The following RAD18 variants were observed in gnomAD, a reference collection of about 807,000 sequenced individuals.
RAD18 encodes the protein E3 ubiquitin-protein ligase RAD18.
A neutral mutation model predicts 60.4 loss-of-function variants in RAD18; 47 were observed. That is an observed-to-expected ratio of 0.78 (90% CI 0.62 to 0.99). RAD18 has a LOEUF of 0.99. RAD18 is among the 50% of genes least tolerant of loss of function. RAD18 has a pLI of 0.00. For missense variants in RAD18, 640 were observed against 593.3 expected, an observed-to-expected ratio of 1.08 and a Z score of -0.82; for synonymous variants, 225 against 195.5, an observed-to-expected ratio of 1.15 and a Z score of -1.26.
At chr3:8,912,499 T>C in intron 8 of RAD18, 127 bp from the exon 9 acceptor site, 1 of 613,208 alleles carries the variant, frequency 1.6e-6, no homozygotes, top group East Asian at 3.1e-5. Flanking sequence ...ATCTGTTTTA[T>C]ATAGACCTAG....
At chr3:8,930,977 A>G (rs1228236327) in intron 7 of RAD18, among the ~76,000 whole-genome samples, 1 of 152,168 alleles carries the variant, frequency 6.6e-6, no homozygotes. Context: ...TGCCCACACC[A>G]CTTTTATTCC....
chr3:8,895,055 G>A (rs1040380040), intron 11 of RAD18, among the ~76,000 whole-genome samples: 2 of 151,808 alleles, frequency 1.3e-5, no homozygotes, highest in East Asian at 1.9e-4. Context: ...GTGTCCGGCC[G>A]AAGCTCTTTC....
intron 7 of RAD18, 100 bp from the exon 8 acceptor site, chr3:8,913,820 T>C (rs1940150307): frequency 3.1e-6 from 2 of 647,694 alleles, no homozygotes; most frequent in East Asian, 6.3e-5. Context: ...AGATGGGTGA[T>C]GGGTATATGT....
At chr3:8,890,519 T>A in intron 11 of RAD18, 68 bp from the exon 12 acceptor site, 2 of 1,265,536 alleles carry the variant, frequency 1.6e-6, no homozygotes, top group Non-Finnish European at 2.3e-6. Context: ...TATATAAAAT[T>A]CTAGAAAAAA....
chr3:8,908,444 G>C (rs967480797), intron 9 of RAD18, among the ~76,000 whole-genome samples: 3 of 152,010 alleles, frequency 2.0e-5, no homozygotes, highest in African/African-American at 7.2e-5. Flanking sequence ...AACATAGAGG[G>C]AAGACGATGT....
intron 12 of RAD18, among the ~76,000 whole-genome samples, chr3:8,882,393 A>C (rs558501179): frequency 6.6e-6 from 1 of 152,178 alleles, no homozygotes. Context: ...GCAGTAAATC[A>C]TCTCCAGCTG....
intron 2 of RAD18, among the ~76,000 whole-genome samples, chr3:8,952,366 G>C (rs1940940416): frequency 6.6e-6 from 1 of 152,112 alleles, no homozygotes; most frequent in African/African-American, 2.4e-5. Flanking sequence ...TATACTATAA[G>C]AAGTCTCCTG....
At chr3:8,950,909 C>A (rs1324973462) in intron 2 of RAD18, among the ~76,000 whole-genome samples, 1 of 152,056 alleles carries the variant, frequency 6.6e-6, no homozygotes, top group Non-Finnish European at 1.5e-5. Context: ...ATAGATTGAA[C>A]ACGGCTGAGG....
Position 8,899,035 on chromosome 3 carries a change from T to G in RAD18, c.1181A>C (p.Asn394Thr), listed in dbSNP as rs997669941. The change falls in exon 11 of 13, where the codon AAT becomes ACT. Residue 394 changes from asparagine to threonine, a missense_variant. By Grantham distance (65) the Asn-to-Thr change is moderately conservative. Transcript: ENST00000264926. ...AAAGTGGTTTGTTACTGAGGTCATA[T>G]TATCTTCCTGTCCTAGGAAAAAATA... Reference protein sequence around the residue: ...LSSVCMGQEDNMTSVTNHFSQ... With the variant: ...LSSVCMGQEDTMTSVTNHFSQ... The G allele has an allele frequency of 4.4e-6, 7 of 1,595,026 alleles. No homozygotes were observed. In the Admixed American group the frequency reaches 7.1e-5, roughly 16 times the overall value.
At chr3:8,903,167 T>G (rs1033500688) in intron 9 of RAD18, among the ~76,000 whole-genome samples, 23 of 152,222 alleles carry the variant, frequency 1.5e-4, no homozygotes, top group African/African-American at 5.5e-4. Context: ...CTTCTTTTTA[T>G]CTTCTCCCTT....
rs140397644 is a variant in RAD18, at chr3:8,956,433, C to T, written c.133+2487G>A. 4.8e-3 allele frequency among the ~76,000 whole-genome samples: 729 copies of T among 152,276 alleles called. 5 individuals are homozygous for T. The highest frequency in any genetic ancestry group is 5.9e-3 in the Non-Finnish European group (401 of 68,034). On this transcript the variant is annotated intron_variant, in intron 2 of 12. Coordinates refer to ENST00000264926, the MANE Select transcript of RAD18 (RefSeq NM_020165.4). ...GGGATGATTCCCATCCTGGGCAGGA[C>T]GGCACAAGATTTCATCAGTGCTTTA...
At chr3:8,947,392 A>T in intron 3 of RAD18, 102 bp from the exon 4 acceptor site, 2 of 905,418 alleles carry the variant, frequency 2.2e-6, no homozygotes, top group Non-Finnish European at 3.5e-6. Context: ...GAGGTTCTCC[A>T]TCCCACTAAG....
intron 11 of RAD18, 76 bp downstream of exon 11, chr3:8,898,818 A>T: frequency 7.9e-7 from 1 of 1,269,258 alleles, no homozygotes; most frequent in Non-Finnish European, 1.1e-6. Flanking sequence ...GCTACATTCT[A>T]ATTATTTCTG....
chr3:8,947,198 T>G, intron 4 of RAD18, 22 bp downstream of exon 4: 1 of 1,553,678 alleles, frequency 6.4e-7, no homozygotes, highest in Non-Finnish European at 8.9e-7. Flanking sequence ...AGTTAGAGGT[T>G]AGTCACAAAA....
intron 2 of RAD18, among the ~76,000 whole-genome samples, chr3:8,954,546 C>G (rs1330428963): frequency 6.6e-6 from 1 of 152,066 alleles, no homozygotes; most frequent in East Asian, 1.9e-4. Flanking sequence ...CTCCCTCTCG[C>G]CCCCAAAATA....
At chr3:8,901,756 TA>T (rs1261061420) in intron 10 of RAD18, among the ~76,000 whole-genome samples, 5 of 152,222 alleles carry the variant, frequency 3.3e-5, no homozygotes, top group Non-Finnish European at 7.3e-5. Flanking sequence ...TGAATGTACT[TA>T]ATGCCAATGA....
At chr3:8,954,832 G>T (rs1258528800) in intron 2 of RAD18, among the ~76,000 whole-genome samples, 3 of 152,116 alleles carry the variant, frequency 2.0e-5, no homozygotes, top group Non-Finnish European at 4.4e-5. Context: ...CAGCCCTGGG[G>T]GTTTTGTGTC....
chr3:8,947,600 T>G (rs558623405), intron 3 of RAD18, among the ~76,000 whole-genome samples: 1 of 152,342 alleles, frequency 6.6e-6, no homozygotes, highest in East Asian at 1.9e-4. Context: ...GCACTCAGCT[T>G]TCTCAGAAAT....
In RAD18 at chr3:8,913,679, T is replaced by G. The variant is rs1307841611; in HGVS notation, c.931A>C (p.Arg311=). The change falls in exon 8 of 13, where the codon AGG becomes CGG. Residue 311 remains arginine, a synonymous_variant. Coordinates refer to ENST00000264926, the MANE Select transcript of RAD18 (RefSeq NM_020165.4). ...AGTTTACTAGCTTCAAGACGCATCC[T>G]AGTCTTCTCTATATTTTCGATTTCT... ...VREIENIEKT[R]MRLEASKLNE... is the part of the protein sequence containing the mutation. 10 of 1,578,414 alleles carry G rather than the reference T, an allele frequency of 6.3e-6. No individual in the cohort carries two copies. The highest frequency in any genetic ancestry group is 4.7e-5 in the South Asian group (4 of 85,398).
Sources: allele counts gnomAD v4.1 joint callset (sites outside exome capture counted in the v4.1 genomes callset), GRCh38; gene constraint gnomAD v4.1.1; transcripts MANE v1.5; gene names NCBI Gene and HGNC (gene_info 2026-07-23, HGNC 2026-07-21).